The following PARP6 variants were observed in gnomAD, a reference collection of about 807,000 sequenced individuals.
PARP6 encodes poly(ADP-ribose) polymerase family member 6.
PARP6 carries 27 observed loss-of-function variants against 92.0 expected under a neutral mutation model. The observed-to-expected ratio is 0.29, with a 90% CI of 0.22 to 0.40. The LOEUF (loss-of-function observed/expected upper bound fraction) is 0.40. PARP6 is among the 10% of genes least tolerant of loss of function. The pLI, the probability that PARP6 is intolerant of heterozygous loss-of-function variation, is 1.00. For missense variants in PARP6, 501 were observed against 784.5 expected (o/e 0.64, Z 4.32); for synonymous variants, 272 against 281.2 (o/e 0.97, Z 0.33).
intron 9 of PARP6, among the ~76,000 whole-genome samples, chr15:72,261,202 C>T (rs537241837): frequency 6.6e-6 from 1 of 152,272 alleles, no homozygotes; most frequent in Admixed American, 6.5e-5. Context: ...AAGAATGGAG[C>T]AATATTTATT....
intron 20 of PARP6, among the ~76,000 whole-genome samples, chr15:72,248,025 C>A (rs2083845607): frequency 6.6e-6 from 1 of 152,132 alleles, no homozygotes; most frequent in Non-Finnish European, 1.5e-5. Flanking sequence ...CCCACATCAG[C>A]CTCCCAAAGT....
chr15:72,254,386 A>T lies in PARP6; in HGVS notation c.1191+69T>A, dbSNP rs904344636. The T allele has an allele frequency of 7.0e-6, 8 of 1,140,798 alleles. No individual in the cohort carries two copies. The Admixed American group carries it at 1.1e-4, about 16-fold the overall frequency. The allele number at this position is 1,140,798 out of a possible 1,614,324, so 70.7% of individuals were successfully genotyped here. A position where few individuals can be genotyped will look rare whatever the true frequency, so the allele number is the denominator to read the frequency against. ...TCTAAATCTTCATCCCACTCCCACA[A>T]ATTACCAACAGAATAGGACACTTGA... On this transcript the variant is annotated intron_variant, in intron 15 of 23. Transcript: ENST00000569795.
In PARP6 at chr15:72,250,722, T is replaced by G. The variant is rs1452458145; in HGVS notation, c.1418+123A>C. 9.5e-5 allele frequency: 61 copies of G among 640,974 alleles called. No homozygotes were observed. In the East Asian group the frequency reaches 1.6e-3, roughly 17 times the overall value. 39.7% of individuals were successfully genotyped at this position (640,974 alleles called of 1,614,324 possible). A position where few individuals can be genotyped will look rare whatever the true frequency, so the allele number is the denominator to read the frequency against. ...CTCTATAGCACCTACCACAATAGCA[T>G]TTAGTAAGTATCTGCTGACTGGTTG... On this transcript the variant is annotated intron_variant, in intron 18 of 23. Coordinates refer to ENST00000569795, the MANE Select transcript of PARP6 (RefSeq NM_001323532.2).
At chr15:72,253,174 CAAAA>C (rs11300145) in intron 16 of PARP6, among the ~76,000 whole-genome samples, 9 of 134,332 alleles carry the variant, frequency 6.7e-5, no homozygotes, top group Admixed American at 7.4e-5. Flanking sequence ...GACCCTATCT[CAAAA>C]AAAAAAAAAA....
intron 18 of PARP6, 23 bp downstream of exon 18, chr15:72,250,822 T>G (rs1235987669): frequency 1.6e-6 from 1 of 623,706 alleles, no homozygotes; most frequent in Non-Finnish European, 2.9e-6. Flanking sequence ...CCACCCCCAC[T>G]GCCCAGCCCC....
At chr15:72,259,090 G>A (rs1460495891) in intron 11 of PARP6, among the ~76,000 whole-genome samples, 1 of 152,178 alleles carries the variant, frequency 6.6e-6, no homozygotes, top group Non-Finnish European at 1.5e-5. Context: ...TCTAGTTAAT[G>A]CATTGGAGTA....
At chr15:72,253,599 G>A in intron 15 of PARP6, 95 bp from the exon 16 acceptor site, 2 of 1,016,768 alleles carry the variant, frequency 2.0e-6, no homozygotes, top group Non-Finnish European at 3.0e-6. Flanking sequence ...TCCAGGGCAA[G>A]GTAGGCACCA....
chr15:72,254,893 T>C (rs1289702606), intron 14 of PARP6, among the ~76,000 whole-genome samples: 2 of 152,222 alleles, frequency 1.3e-5, no homozygotes, highest in African/African-American at 2.4e-5. Context: ...GTGTGTCAAC[T>C]TGACTGGGCC....
chr15:72,272,102 C>T (rs952228170), intron 1 of PARP6, among the ~76,000 whole-genome samples: 2 of 152,196 alleles, frequency 1.3e-5, no homozygotes, highest in South Asian at 2.1e-4. Context: ...CACTGAGGGG[C>T]GACTCCCGCA....
At chr15:72,264,854 C>T (rs866668417) in intron 7 of PARP6, among the ~76,000 whole-genome samples, 20 of 152,212 alleles carry the variant, frequency 1.3e-4, no homozygotes, top group African/African-American at 4.1e-4. Flanking sequence ...GAAATTTTAT[C>T]TTGGAACCAG....
chr15:72,265,528 T>A (rs970730557), intron 5 of PARP6, 55 bp from the exon 6 acceptor site: 2 of 1,353,268 alleles, frequency 1.5e-6, no homozygotes, highest in Non-Finnish European at 2.1e-6. Flanking sequence ...AAGAAGGGAA[T>A]AGAAACTGAG....
intron 13 of PARP6, among the ~76,000 whole-genome samples, 180 bp from the exon 14 acceptor site, chr15:72,256,770 C>T (rs889382232): frequency 1.3e-5 from 2 of 152,212 alleles, no homozygotes; most frequent in Non-Finnish European, 2.9e-5. Context: ...AGATAAAAAA[C>T]CATCTTCCTG....
chr15:72,259,743 G>A, intron 10 of PARP6, 82 bp from the exon 11 acceptor site: 4 of 1,191,546 alleles, frequency 3.4e-6, no homozygotes, highest in Non-Finnish European at 4.9e-6. Context: ...CTATCACCTA[G>A]GACTCTCCTA....
chr15:72,265,855 G>A (rs1161662275), intron 5 of PARP6, 42 bp downstream of exon 5: 1 of 1,309,402 alleles, frequency 7.6e-7, no homozygotes. Context: ...AACTCAGAAA[G>A]AAGTGACTTG....
Position 72,241,568 on chromosome 15 carries a change from T to C in PARP6, c.1791-11A>G, listed in dbSNP as rs1477357735. On this transcript the variant is annotated splice_polypyrimidine_tract_variant and intron_variant, in intron 23 of 23. Transcript: ENST00000569795. This position sits in a 1 kb window ranked among gnomAD's most constrained non-coding sequence, Gnocchi z 4.1. ...TGACCATCCTCATATCTGCCAAAGA[T>C]AGGGCAAGTGTGAGCATAAGAGGGA... 1 of 1,590,488 alleles carries C rather than the reference T, an allele frequency of 6.3e-7. No homozygotes were observed. Among genetic ancestry groups the C allele is most frequent in the African/African-American group, 1.3e-5 (1 of 74,438 alleles).
At position 72,253,442 on chromosome 15, in the gene PARP6, C is replaced by T. The variant is rs140971620; in HGVS notation, c.1254G>A (p.Leu418=). The change falls in exon 16 of 24, where the codon CTG becomes CTA. Residue 418 remains leucine (L), a synonymous_variant. Coordinates refer to ENST00000569795, the MANE Select transcript of PARP6 (RefSeq NM_001323532.2). ...ATGAGCCATTCTATCCATACCACTG[C>T]AGGAGAGGATGGGCCAGGGGATCCA... ...DKLDPLAHPL[L]QWIISSNRSH... 4.3e-6 allele frequency: 7 copies of T among 1,612,658 alleles called. No homozygotes were observed. Among genetic ancestry groups the T allele is most frequent in the Middle Eastern group, 1.7e-4 (1 of 6,058 alleles).
Position 72,260,577 on chromosome 15 carries a change from G to T in PARP6, c.657C>A (p.Asn219Lys), listed in dbSNP as rs747710626. The T allele has an allele frequency of 3.7e-6, 6 of 1,614,148 alleles. No homozygotes were observed. The highest frequency in any genetic ancestry group is 5.1e-6 in the Non-Finnish European group (6 of 1,180,016). The part of the protein sequence containing the change: ...MNRSISCTMK[N>K]PKVEVFGYPP... ...GGTAGCCAAACACTTCCACTTTGGG[G>T]TTCTTCATGGTACAGGAGATGGAAC... is the stretch of plus-strand genomic sequence containing the variant. The change falls in exon 10 of 24, where the codon AAC becomes AAA. Residue 219 changes from asparagine to lysine, a missense_variant. Physicochemically the swap from Asn to Lys is moderately conservative, Grantham distance 94. Around this residue, in one of 4 missense-constraint regions of PARP6, gnomAD observed 291 missense variants for 352.0 expected, o/e 0.83. Transcript: ENST00000569795.
intron 3 of PARP6, chr15:72,267,029 A>G: frequency 1.8e-6 from 1 of 549,050 alleles, no homozygotes; most frequent in East Asian, 3.1e-5. Context: ...ACTAGCTCTT[A>G]GTGGGACAGA....
At chr15:72,268,626 A>C (rs1298320739) in intron 2 of PARP6, among the ~76,000 whole-genome samples, 2 of 152,210 alleles carry the variant, frequency 1.3e-5, no homozygotes, top group Non-Finnish European at 2.9e-5. Context: ...TGAATCCGGG[A>C]GGCGGAGATT....
Sources: gnomAD v4.1 joint callset for allele counts (sites outside exome capture counted in the v4.1 genomes callset) on GRCh38, gnomAD v4.1.1 for gene constraint, gnomAD v4.1.1 regional missense constraint, Gnocchi (gnomAD v3.1) non-coding constraint, MANE v1.5 for transcripts, NCBI Gene and HGNC (gene_info 2026-07-23, HGNC 2026-07-21) for gene names.